The following RCSD1 variants were observed in gnomAD, a reference collection of about 807,000 sequenced individuals.
RCSD1 encodes RCSD domain containing 1.
RCSD1 carries 26 observed loss-of-function variants against 42.5 expected under a neutral mutation model. The observed-to-expected ratio is 0.61, with a 90% confidence interval of 0.45 to 0.85. The LOEUF (loss-of-function observed/expected upper bound fraction) is 0.85, where lower values mean the gene tolerates loss of function less well. Ranked by LOEUF, RCSD1 falls within the 40% of genes least tolerant of loss-of-function variation. The pLI, the probability that RCSD1 is intolerant of heterozygous loss-of-function variation, is 0.00. For synonymous variants in RCSD1, 220 were observed against 212.2 expected (o/e 1.04, Z -0.32); for missense variants, 571 against 528.3 (o/e 1.08, Z -0.79).
chr1:167,705,375 G>A lies in RCSD1; in HGVS notation c.*679G>A, dbSNP rs1202814057. ...CATTCGCAGGAGCTTTTCCTGTCCT[G>A]TGGTTTTCCAGTTGGTGACCACCAT... is the stretch of plus-strand genomic sequence containing the variant. On this transcript the variant is annotated 3_prime_UTR_variant, in exon 7 of 7. Coordinates refer to ENST00000367854, the MANE Select transcript of RCSD1 (RefSeq NM_052862.4). 1 of 151,884 alleles carries A rather than the reference G, an allele frequency of 6.6e-6. No individual in the cohort carries two copies. The highest frequency in any genetic ancestry group is 1.5e-5 in the Non-Finnish European group (1 of 68,006). The allele number at this position is 151,884 out of a possible 1,614,324, so 9.4% of individuals were successfully genotyped here. A position where few individuals can be genotyped will look rare whatever the true frequency, so the allele number is the denominator to read the frequency against.
chr1:167,695,462 G>A (rs1007623017), intron 5 of RCSD1, among the ~76,000 whole-genome samples: 5 of 152,128 alleles, frequency 3.3e-5, no homozygotes, highest in African/African-American at 1.2e-4. Context: ...TTCTTAGATG[G>A]GGAACTAGGA....
chr1:167,685,777 CAA>C (rs1659219643), intron 3 of RCSD1, among the ~76,000 whole-genome samples: 1 of 152,082 alleles, frequency 6.6e-6, no homozygotes, highest in African/African-American at 2.4e-5. Flanking sequence ...AGAATTTTAG[CAA>C]AGAGAATGGG....
At chr1:167,666,698 G>A (rs1344335074) in intron 1 of RCSD1, among the ~76,000 whole-genome samples, 4 of 152,290 alleles carry the variant, frequency 2.6e-5, no homozygotes, top group East Asian at 1.9e-4. Flanking sequence ...GAGAGGGCTG[G>A]CCATCAGCAA....
chr1:167,640,963 G>A (rs1229387), intron 1 of RCSD1, among the ~76,000 whole-genome samples: 10,171 of 152,220 alleles, frequency 0.067, 355 homozygotes, highest in South Asian at 0.08. Flanking sequence ...CTGGGTTATT[G>A]TTAAGCTATA....
In RCSD1 at chr1:167,689,560, A is replaced by G. The variant is rs116520334; in HGVS notation, c.199-489A>G. ...TTTGGAAAATCATAATTTATAAATCATGCCATCGATGGGATTTTCCAAAAT... is the reference window on the plus strand; with the variant it reads ...TTTGGAAAATCATAATTTATAAATCGTGCCATCGATGGGATTTTCCAAAAT... On this transcript the variant is annotated intron_variant, in intron 3 of 6. Transcript: ENST00000367854. Among the ~76,000 whole-genome samples, 1,479 of 152,226 alleles carry G rather than the reference A, an allele frequency of 9.7e-3. 19 individuals carry two copies. The highest frequency in any genetic ancestry group is 0.01 in the Middle Eastern group (3 of 294).
intron 1 of RCSD1, among the ~76,000 whole-genome samples, chr1:167,675,012 C>T (rs1203529448): frequency 3.9e-5 from 6 of 152,004 alleles, no homozygotes; most frequent in East Asian, 3.8e-4. Context: ...CAAGACCATC[C>T]TGGCTAACAC....
chr1:167,689,698 C>A (rs1215086483), intron 3 of RCSD1, among the ~76,000 whole-genome samples: 1 of 152,034 alleles, frequency 6.6e-6, no homozygotes, highest in African/African-American at 2.4e-5. Flanking sequence ...TTGAAATCCC[C>A]CAAATTGTTG....
chr1:167,670,714 T>C (rs988387053), intron 1 of RCSD1, among the ~76,000 whole-genome samples: 2 of 152,124 alleles, frequency 1.3e-5, no homozygotes, highest in Non-Finnish European at 2.9e-5. Flanking sequence ...ACTCCTCCAG[T>C]CCTGCTCCTC....
chr1:167,690,041 C>T lies in RCSD1; in HGVS notation c.199-8C>T. 4 of 1,613,978 alleles carry T rather than the reference C, an allele frequency of 2.5e-6. No homozygotes were observed. The highest frequency in any genetic ancestry group is 2.2e-5 in the South Asian group (2 of 91,058). ...TTATCTGGTTGTTTTGGTTGATTTG[C>T]TCCATAGAAATCACCACCCAATGCG... On this transcript the variant is annotated splice_region_variant and splice_polypyrimidine_tract_variant and intron_variant, in intron 3 of 6. Coordinates refer to ENST00000367854, the MANE Select transcript of RCSD1 (RefSeq NM_052862.4).
intron 1 of RCSD1, among the ~76,000 whole-genome samples, chr1:167,680,399 C>T (rs1037333061): frequency 3.3e-5 from 5 of 151,578 alleles, no homozygotes; most frequent in Admixed American, 2.6e-4. Flanking sequence ...CAGACCAGGT[C>T]GGATGGGAGG....
intron 6 of RCSD1, among the ~76,000 whole-genome samples, chr1:167,701,312 C>CTTTCTTTCTTTCT: frequency 7.3e-6 from 1 of 137,838 alleles, no homozygotes; most frequent in Admixed American, 7.2e-5. Context: ...TTCTTTCTTT[C>CTTTCTTTCTTTCT]TTTCTTTTTT....
chr1:167,703,006 TC>T (rs1659678908), intron 6 of RCSD1, among the ~76,000 whole-genome samples: 1 of 152,150 alleles, frequency 6.6e-6, no homozygotes, highest in South Asian at 2.1e-4. Context: ...TCCAAGTCAT[TC>T]CCCTTGGTTT....
chr1:167,684,522 C>A (rs941272966), intron 2 of RCSD1, among the ~76,000 whole-genome samples: 1 of 151,114 alleles, frequency 6.6e-6, no homozygotes. Context: ...AGGGTCTTAA[C>A]TTTGGAGAGA....
rs114495089 is a variant in RCSD1 at position 167,654,953 on chromosome 1, G to A, written c.6+24524G>A. Among the ~76,000 whole-genome samples, 343 of 152,272 alleles carry A rather than the reference G, an allele frequency of 2.3e-3. 1 individual carries two copies. Among genetic ancestry groups the A allele is most frequent in the Non-Finnish European group, 3.7e-3 (254 of 68,016 alleles). On this transcript the variant is annotated intron_variant, in intron 1 of 6. Coordinates refer to ENST00000367854, the MANE Select transcript of RCSD1 (RefSeq NM_052862.4). ...ATCCCCAAATCTGCTCCTGAGTTCA[G>A]CTGGGTCCTGCAGACCCAGCCGTCA... is the stretch of plus-strand genomic sequence containing the variant.
At chr1:167,704,128 T>G (rs1056098257) in intron 6 of RCSD1, among the ~76,000 whole-genome samples, 1 of 152,226 alleles carries the variant, frequency 6.6e-6, no homozygotes, top group Non-Finnish European at 1.5e-5. Context: ...TCGGAATGAC[T>G]GTTGAATAAA....
At chr1:167,669,537 A>G (rs190483338) in intron 1 of RCSD1, among the ~76,000 whole-genome samples, 623 of 152,136 alleles carry the variant, frequency 4.1e-3, no homozygotes, top group Middle Eastern at 6.8e-3. Context: ...TGCTCTTTTC[A>G]CTTTACATGG....
At position 167,697,227 on chromosome 1, in the gene RCSD1, G is replaced by A. The variant is rs1318328131; in HGVS notation, c.603G>A (p.Glu201=). 6.2e-7 allele frequency: 1 copy of A among 1,614,218 alleles called. No individual in the cohort carries two copies. Among genetic ancestry groups the A allele is most frequent in the East Asian group, 2.2e-5 (1 of 44,870 alleles). Residue 201 remains glutamate, a synonymous_variant, in exon 6 of 7, where the codon GAG becomes GAA. Transcript: ENST00000367854. ...ESSQQNGAKE[E]DGDEVLPSKS... is the part of the protein sequence containing the mutation. The stretch of plus-strand genomic sequence containing the variant: ...CTCAGCAGAACGGTGCTAAGGAAGA[G>A]GATGGGGATGAAGTGTTGCCATCCA...
chr1:167,688,010 T>C (rs567709713), intron 3 of RCSD1, among the ~76,000 whole-genome samples: 1 of 152,352 alleles, frequency 6.6e-6, no homozygotes, highest in East Asian at 1.9e-4. Flanking sequence ...TATATACATA[T>C]ACAGGGATGG....
chr1:167,691,860 G>A (rs1558091733), intron 4 of RCSD1, among the ~76,000 whole-genome samples: 1 of 152,198 alleles, frequency 6.6e-6, no homozygotes, highest in South Asian at 2.1e-4. Context: ...CCAGGAGGCT[G>A]CAGGGCTCCT....
Sources: gnomAD v4.1 joint callset for allele counts (sites outside exome capture counted in the v4.1 genomes callset) on GRCh38, gnomAD v4.1.1 for gene constraint, MANE v1.5 for transcripts, NCBI Gene and HGNC (gene_info 2026-07-23, HGNC 2026-07-21) for gene names.